Variants in MYOM3 observed in about 807,000 individuals in gnomAD.
The protein encoded by MYOM3 is myomesin-3.
A neutral mutation model predicts 191.7 loss-of-function variants in MYOM3; 155 were observed. The observed-to-expected ratio is 0.81, with a 90% confidence interval of 0.71 to 0.92. MYOM3 has a LOEUF of 0.92. Among genes scored for constraint, MYOM3 ranks in the 40% least tolerant of loss-of-function variants. MYOM3 has a pLI of 0.00. For synonymous variants in MYOM3, 757 were observed against 762.9 expected (o/e 0.99, Z 0.13); for missense variants, 1,889 against 1,890.6 (o/e 1.00, Z 0.02).
intron 22 of MYOM3, 60 bp from the exon 23 acceptor site, chr1:24,074,329 G>T: frequency 7.5e-7 from 1 of 1,326,950 alleles, no homozygotes; most frequent in Non-Finnish European, 1.1e-6. Flanking sequence ...TGCACTAGAG[G>T]CCTGGGAGCC....
In MYOM3 at chr1:24,092,275, C is replaced by T. The variant is rs180708680; in HGVS notation, c.1131G>A (p.Leu377=). The T allele has an allele frequency of 2.4e-5, 33 of 1,387,650 alleles. 1 individual carries two copies. The African/African-American group carries it at 4.5e-4, about 19-fold the overall frequency. 86.0% of individuals were successfully genotyped at this position (1,387,650 alleles called of 1,614,324 possible). The change falls in exon 11 of 37, where the codon CTG becomes CTA. Residue 377 remains leucine, a synonymous_variant. Transcript: ENST00000374434. ...TGTTCACATCCAGGCATCGGACGTT[C>T]AGTGGGGAGCCTGGGGCCCCGGGGT... ...AENPGAPGSP[L]NVRCLDVNRD... is the part of the protein sequence containing the mutation.
intron 4 of MYOM3, 91 bp from the exon 5 acceptor site, chr1:24,106,168 G>C: frequency 7.2e-7 from 1 of 1,392,786 alleles, no homozygotes; most frequent in Non-Finnish European, 9.6e-7. Context: ...CCCAGACTCT[G>C]TAGTTAGACC....
At chr1:24,093,650 G>A (rs923253680) in intron 9 of MYOM3, among the ~76,000 whole-genome samples, 8 of 152,000 alleles carry the variant, frequency 5.3e-5, no homozygotes, top group Non-Finnish European at 8.8e-5. Context: ...GCTCAGGGGC[G>A]GGCCCTGCCT....
intron 25 of MYOM3, among the ~76,000 whole-genome samples, chr1:24,070,503 G>A (rs1452447284): frequency 1.3e-5 from 2 of 152,098 alleles, no homozygotes; most frequent in East Asian, 1.9e-4. Context: ...TGGGAGGATC[G>A]CTTGAGTCTG....
In MYOM3 at chr1:24,108,089, G is replaced by A; in HGVS notation, c.162-16C>T. On this transcript the variant is annotated splice_polypyrimidine_tract_variant and intron_variant, in intron 2 of 36. Transcript: ENST00000374434. Reference sequence around the variant, plus strand: ...CTCTTCTTCGCTGCTCCCAGAAGGAGGGGAGTAAATGGCTCTTGCAGGATT... The same window carrying A: ...CTCTTCTTCGCTGCTCCCAGAAGGAAGGGAGTAAATGGCTCTTGCAGGATT... 1.2e-6 allele frequency: 2 copies of A among 1,612,464 alleles called. No homozygotes were observed. The highest frequency in any genetic ancestry group is 1.7e-6 in the Non-Finnish European group (2 of 1,179,084).
At chr1:24,075,166 G>A (rs1643580789) in intron 22 of MYOM3, among the ~76,000 whole-genome samples, 153 bp downstream of exon 22, 1 of 152,204 alleles carries the variant, frequency 6.6e-6, no homozygotes, top group Non-Finnish European at 1.5e-5. Flanking sequence ...TCTCACTAAG[G>A]TGGCAGTCAG....
intron 7 of MYOM3, among the ~76,000 whole-genome samples, chr1:24,095,980 C>T (rs1008795551): frequency 6.6e-6 from 1 of 152,120 alleles, no homozygotes; most frequent in Non-Finnish European, 1.5e-5. Context: ...AGTGCTCGCC[C>T]CATGCTCTGA....
At chr1:24,061,369 A>G in intron 33 of MYOM3, 60 bp from the exon 34 acceptor site, 1 of 1,553,796 alleles carries the variant, frequency 6.4e-7, no homozygotes, top group Non-Finnish European at 8.8e-7. Flanking sequence ...GATGATGGGG[A>G]CAGGGTGACC....
chr1:24,092,397 T>G, intron 10 of MYOM3, 82 bp from the exon 11 acceptor site: 1 of 1,232,598 alleles, frequency 8.1e-7, no homozygotes, highest in East Asian at 2.9e-5. Flanking sequence ...CCCAGCATCC[T>G]CTTCTCATCC....
chr1:24,081,229 A>G, intron 19 of MYOM3, 101 bp downstream of exon 19: 1 of 1,473,442 alleles, frequency 6.8e-7, no homozygotes, highest in Non-Finnish European at 9.3e-7. Flanking sequence ...AAACAGTGCA[A>G]GCCTGAATGC....
intron 3 of MYOM3, 85 bp downstream of exon 3, chr1:24,107,908 G>T (rs547462730): frequency 2.5e-6 from 3 of 1,190,656 alleles, no homozygotes; most frequent in East Asian, 2.4e-5. Context: ...TTTACACTCG[G>T]GGTGAAAGGC....
rs775258931 is a variant in MYOM3, at chr1:24,075,411, AG to A, written c.2765del (p.Pro922LeufsTer37). 1.2e-6 allele frequency: 2 copies of A among 1,610,404 alleles called. No individual in the cohort carries two copies. Among genetic ancestry groups the A allele is most frequent in the Non-Finnish European group, 8.5e-7 (1 of 1,178,964 alleles). On this transcript the variant is annotated frameshift_variant, in exon 22 of 37. Transcript: ENST00000374434. LOFTEE classifies it high-confidence loss of function. ...GAAACTCTGAGGAGTCGGGGGCTTC[AG>A]GGGCTTCAAAAGCCAAATAGATAAA... ...EGFIYLAFEA[P>X]EAPDSSEFQW...
chr1:24,093,179 G>T, intron 9 of MYOM3, 71 bp from the exon 10 acceptor site: 1 of 1,009,500 alleles, frequency 9.9e-7, no homozygotes, highest in South Asian at 1.4e-5. Flanking sequence ...CACAGAAACT[G>T]GGGGGTCTGG....
chr1:24,077,424 C>A (rs1052527043), intron 20 of MYOM3, among the ~76,000 whole-genome samples: 7 of 152,324 alleles, frequency 4.6e-5, no homozygotes, highest in South Asian at 2.1e-4. Flanking sequence ...CTCTCAGTAT[C>A]CCCACATCCA....
rs1557599649 is a variant in MYOM3, at chr1:24,061,072, T to C, written c.3982A>G (p.Ile1328Val). 1 of 1,614,016 alleles carries C rather than the reference T, an allele frequency of 6.2e-7. No individual in the cohort carries two copies. Among genetic ancestry groups the C allele is most frequent in the Non-Finnish European group, 8.5e-7 (1 of 1,180,008 alleles). Residue 1328 changes from isoleucine to valine, a missense_variant, in exon 35 of 37, where the codon ATC becomes GTC. By Grantham distance (29) the Ile-to-Val change is conservative. Transcript: ENST00000374434. The part of the protein sequence containing the change: ...AEHQRLKTLA[I>V]IEKNRAKVVR... The stretch of plus-strand genomic sequence containing the variant: ...TCGGCCGACTTACTCTTCTCGATGA[T>C]GGCCAAGGTTCTGAAAAACAGAAAT...
intron 18 of MYOM3, chr1:24,081,689 A>G (rs1168578775): frequency 6.7e-6 from 4 of 597,302 alleles, no homozygotes; most frequent in Non-Finnish European, 1.2e-5. Flanking sequence ...TAGCCTCTCG[A>G]GTAGCCAGGA....
rs756343930 is a variant in MYOM3, at chr1:24,068,070, G to A, written c.3296-41C>T. 13 of 1,610,256 alleles carry A rather than the reference G, an allele frequency of 8.1e-6. No homozygotes were observed. In the African/African-American group the frequency reaches 1.3e-4, roughly 17 times the overall value. Reference sequence around the variant, plus strand: ...GAGGAACTGGCATGAGCCGAGAGGAGTGTGGGTCTGGAGAGGGGACATGGG... The same window carrying A: ...GAGGAACTGGCATGAGCCGAGAGGAATGTGGGTCTGGAGAGGGGACATGGG... On this transcript the variant is annotated intron_variant, in intron 26 of 36. Transcript: ENST00000374434.
At chr1:24,080,659 GC>G (rs1246560068) in intron 19 of MYOM3, among the ~76,000 whole-genome samples, 1 of 152,182 alleles carries the variant, frequency 6.6e-6, no homozygotes. Context: ...ATAATATAGT[GC>G]TTTTGTGAGC....
Position 24,093,039 on chromosome 1 carries a change from G to A in MYOM3, c.998C>T (p.Ser333Phe), listed in dbSNP as rs1643859278. 1 of 1,612,992 alleles carries A rather than the reference G, an allele frequency of 6.2e-7. No individual in the cohort carries two copies. The highest frequency in any genetic ancestry group is 8.5e-7 in the Non-Finnish European group (1 of 1,179,668). ...CCCCTCGTCCTCCTTGTAGGTGCAG[G>A]ACACCTTCAGGGATGCCTGGCGGTC... ...YTDRQASLKV[S>F]CTYKEDEGLY... is the part of the protein sequence containing the mutation. The change falls in exon 10 of 37, where the codon TCC becomes TTC. Residue 333 changes from serine (S) to phenylalanine (F), a missense_variant. Ser to Phe is a radical substitution (Grantham distance 155). Coordinates refer to ENST00000374434, the MANE Select transcript of MYOM3 (RefSeq NM_152372.4).
Sources: allele counts gnomAD v4.1 joint callset (sites outside exome capture counted in the v4.1 genomes callset), GRCh38; gene constraint gnomAD v4.1.1; transcripts MANE v1.5; gene names NCBI Gene and HGNC (gene_info 2026-07-23, HGNC 2026-07-21).